MTNR1A: variants seen among roughly 807,000 people sequenced by gnomAD.
The protein encoded by MTNR1A is melatonin receptor 1A, also known as melatonin receptor type 1A.
MTNR1A carries 7 observed loss-of-function variants against 5.5 expected under a neutral mutation model. The observed-to-expected ratio is 1.28, with a 90% CI of 0.73 to 2.40. The LOEUF (loss-of-function observed/expected upper bound fraction) is 2.40. MTNR1A is among the 30% of genes most tolerant of loss of function. The pLI, the probability that MTNR1A is intolerant of heterozygous loss-of-function variation, is 0.00. For synonymous variants in MTNR1A, 196 were observed against 202.7 expected (o/e 0.97, Z 0.28); for missense variants, 441 against 464.4 (o/e 0.95, Z 0.46).
At chr4:186,549,931 C>T (rs1737233917) in intron 1 of MTNR1A, among the ~76,000 whole-genome samples, 1 of 152,098 alleles carries the variant, frequency 6.6e-6, no homozygotes, top group African/African-American at 2.4e-5. Context: ...AACCGTGCAC[C>T]CTAACAACTC....
chr4:186,555,063 A>G lies in MTNR1A; in HGVS notation c.184+119T>C, dbSNP rs948590161. On this transcript the variant is annotated intron_variant, in intron 1 of 1. Transcript: ENST00000307161. This position sits in a 1 kb window ranked among gnomAD's most constrained non-coding sequence, Gnocchi z 4.1. ...GGAGAAGAGTCCTCTCTAACAGGAA[A>G]AATAACTCCAAGTCCGCAGTGTTTA... 42 of 1,183,112 alleles carry G rather than the reference A, an allele frequency of 3.5e-5. No individual in the cohort carries two copies. The highest frequency in any genetic ancestry group is 2.8e-4 in the South Asian group (21 of 75,038). The allele number at this position is 1,183,112 out of a possible 1,614,324, so 73.3% of individuals were successfully genotyped here.
At chr4:186,534,754 A>G (rs971301155) in intron 1 of MTNR1A, among the ~76,000 whole-genome samples, 197 bp from the exon 2 acceptor site, 1 of 152,246 alleles carries the variant, frequency 6.6e-6, no homozygotes, top group Non-Finnish European at 1.5e-5. Flanking sequence ...TCCGCTGTTC[A>G]CACATTCCCA....
chr4:186,553,653 A>C (rs1444572561), intron 1 of MTNR1A, among the ~76,000 whole-genome samples: 1 of 152,192 alleles, frequency 6.6e-6, no homozygotes, highest in Non-Finnish European at 1.5e-5. Context: ...TTGGGATTAC[A>C]GCTGTGGGCC....
chr4:186,534,325 G>C lies in MTNR1A; in HGVS notation c.417C>G (p.Tyr139Ter). The change falls in exon 2 of 2, where the codon TAC becomes TAG. Residue 139 changes from tyrosine to a stop codon, truncating the protein, a stop_gained. Transcript: ENST00000307161. LOFTEE classifies it low-confidence loss of function (END_TRUNC). ...CGTAGCAGAGGGAGTTCTTGCTGCT[G>C]TACAGTTTGTCGTACTTGAGACTGT... ...ICHSLKYDKL[Y>*]SSKNSLCYVL... 6.2e-7 allele frequency: 1 copy of C among 1,614,148 alleles called. No homozygotes were observed. The highest frequency in any genetic ancestry group is 8.5e-7 in the Non-Finnish European group (1 of 1,180,024).
chr4:186,543,714 G>A (rs114999910), intron 1 of MTNR1A, among the ~76,000 whole-genome samples: 2,345 of 152,274 alleles, frequency 0.015, 48 homozygotes, highest in African/African-American at 0.053. Flanking sequence ...TAAAGAGACT[G>A]TATTTTCTTT....
chr4:186,533,842 T>G lies in MTNR1A; in HGVS notation c.900A>C (p.Gln300His). The G allele has an allele frequency of 6.2e-7, 1 of 1,614,172 alleles. No homozygotes were observed. Among genetic ancestry groups the G allele is most frequent in the Non-Finnish European group, 8.5e-7 (1 of 1,180,026 alleles). Reference protein sequence around the residue: ...LNAIIYGLLNQNFRKEYRRII... With the variant: ...LNAIIYGLLNHNFRKEYRRII... ...TTCTCCTGTATTCCTTCCTGAAATT[T>G]TGGTTCAGTAGCCCGTATATAATGG... is the stretch of plus-strand genomic sequence containing the variant. Residue 300 changes from glutamine to histidine, a missense_variant, in exon 2 of 2, where the codon CAA (glutamine) becomes CAC (histidine). Transcript: ENST00000307161.
intron 1 of MTNR1A, among the ~76,000 whole-genome samples, chr4:186,536,911 G>T (rs186624373): frequency 1.8e-3 from 281 of 152,238 alleles, no homozygotes; most frequent in African/African-American, 6.3e-3. Context: ...TCTATAATAT[G>T]TGAAATTCTG....
chr4:186,555,280 G>A lies in MTNR1A; in HGVS notation c.86C>T (p.Ala29Val), dbSNP rs1468768534. The A allele has an allele frequency of 3.2e-6, 5 of 1,550,730 alleles. No individual in the cohort carries two copies. The highest frequency in any genetic ancestry group is 1.4e-5 in the African/African-American group (1 of 73,034). The change falls in exon 1 of 2, where the codon GCC becomes GTC. Residue 29 changes from alanine (A) to valine (V), a missense_variant. Ala to Val is a moderately conservative substitution (Grantham distance 64, BLOSUM62 0). Coordinates refer to ENST00000307161, the MANE Select transcript of MTNR1A (RefSeq NM_005958.4). This position sits in a 1 kb window ranked among gnomAD's most constrained non-coding sequence, Gnocchi z 4.1. ...DGARPSWLAS[A>V]LACVLIFTIV... ...GGTGAAGATGAGGACGCAGGCCAGG[G>A]CGGACGCCAGCCACGAGGGCCGCGC...
At chr4:186,537,752 G>A (rs1035843143) in intron 1 of MTNR1A, among the ~76,000 whole-genome samples, 1 of 152,256 alleles carries the variant, frequency 6.6e-6, no homozygotes, top group Non-Finnish European at 1.5e-5. Flanking sequence ...GAAAGCTCCT[G>A]TGCTCCTACA....
At chr4:186,537,512 C>A (rs1001634516) in intron 1 of MTNR1A, among the ~76,000 whole-genome samples, 1 of 152,180 alleles carries the variant, frequency 6.6e-6, no homozygotes, top group Non-Finnish European at 1.5e-5. Flanking sequence ...GTAAGAATTT[C>A]TTCTCTGTTG....
intron 1 of MTNR1A, among the ~76,000 whole-genome samples, chr4:186,552,227 G>A (rs540802079): frequency 6.6e-6 from 1 of 152,232 alleles, no homozygotes; most frequent in East Asian, 1.9e-4. Flanking sequence ...TTGCTATTAT[G>A]TGCTATTTCT....
At chr4:186,550,394 T>C (rs906784794) in intron 1 of MTNR1A, among the ~76,000 whole-genome samples, 9 of 152,338 alleles carry the variant, frequency 5.9e-5, no homozygotes, top group African/African-American at 2.2e-4. Flanking sequence ...GCGAGGCAAC[T>C]TACAAATATG....
At chr4:186,540,766 A>C (rs1210884018) in intron 1 of MTNR1A, among the ~76,000 whole-genome samples, 1 of 151,912 alleles carries the variant, frequency 6.6e-6, no homozygotes, top group African/African-American at 2.4e-5. Context: ...CTGAAGGACC[A>C]GGTGCTGTCT....
At chr4:186,544,715 T>C (rs1737101568) in intron 1 of MTNR1A, among the ~76,000 whole-genome samples, 1 of 152,210 alleles carries the variant, frequency 6.6e-6, no homozygotes, top group Non-Finnish European at 1.5e-5. Flanking sequence ...GGACACTTTC[T>C]TTCCTTCTGC....
In MTNR1A at chr4:186,534,468, C is replaced by T. The variant is rs372168234; in HGVS notation, c.274G>A (p.Gly92Arg). 2.0e-5 allele frequency: 32 copies of T among 1,614,112 alleles called. No homozygotes were observed. Among genetic ancestry groups the T allele is most frequent in the Middle Eastern group, 1.6e-4 (1 of 6,062 alleles). ...CAGTGCAGATAGCCCAGGTTCCACCCGTTGTTAAATATCGACATCAGCACC... is the reference window on the plus strand; with the variant it reads ...CAGTGCAGATAGCCCAGGTTCCACCTGTTGTTAAATATCGACATCAGCACC... ...PLVLMSIFNN[G>R]WNLGYLHCQV... Residue 92 changes from glycine to arginine, a missense_variant, in exon 2 of 2, where the codon GGG (glycine) becomes AGG (arginine). Coordinates refer to ENST00000307161, the MANE Select transcript of MTNR1A (RefSeq NM_005958.4).
At chr4:186,554,191 T>A (rs1737323306) in intron 1 of MTNR1A, among the ~76,000 whole-genome samples, 1 of 136,414 alleles carries the variant, frequency 7.3e-6, no homozygotes, top group Admixed American at 7.7e-5. Context: ...AGTGCTTAAC[T>A]AACTAATTCT....
intron 1 of MTNR1A, among the ~76,000 whole-genome samples, chr4:186,553,746 A>G (rs1272654104): frequency 1.3e-5 from 2 of 152,188 alleles, no homozygotes; most frequent in Non-Finnish European, 2.9e-5. Context: ...TCCTGACCTC[A>G]GGCGATCCAC....
rs764366742 is a variant in MTNR1A, at chr4:186,533,890, C to T, written c.852G>A (p.Ala284=). 1.6e-5 allele frequency: 26 copies of T among 1,613,960 alleles called. No homozygotes were observed. The highest frequency in any genetic ancestry group is 1.6e-4 in the Middle Eastern group (1 of 6,084). ...EWLFVASYYM[A]YFNSCLNAII... is the part of the protein sequence containing the mutation. ...TGGCATTGAGGCAGCTGTTGAAATACGCCATGTAGTAACTGGCCACAAACA... is the reference window on the plus strand; with the variant it reads ...TGGCATTGAGGCAGCTGTTGAAATATGCCATGTAGTAACTGGCCACAAACA... Residue 284 remains alanine (A), a synonymous_variant, in exon 2 of 2, where the codon GCG becomes GCA. Coordinates refer to ENST00000307161, the MANE Select transcript of MTNR1A (RefSeq NM_005958.4).
intron 1 of MTNR1A, among the ~76,000 whole-genome samples, chr4:186,538,892 T>C (rs576995437): frequency 6.6e-6 from 1 of 152,094 alleles, no homozygotes; most frequent in African/African-American, 2.4e-5. Context: ...GGGACACTGG[T>C]AGTCACGGCC....
Sources: allele counts gnomAD v4.1 joint callset (sites outside exome capture counted in the v4.1 genomes callset), GRCh38; gene constraint gnomAD v4.1.1; non-coding constraint Gnocchi (gnomAD v3.1); transcripts MANE v1.5; gene names NCBI Gene and HGNC (gene_info 2026-07-23, HGNC 2026-07-21).